Variants in AGAP1 observed in about 807,000 individuals in gnomAD.
AGAP1 encodes arf-GAP with GTPase, ANK repeat and PH domain-containing protein 1.
AGAP1 carries 29 observed loss-of-function variants against 105.3 expected under a neutral mutation model. The ratio of observed to expected loss-of-function variants is 0.28; its 90% CI spans 0.21 to 0.38. The LOEUF is 0.38. AGAP1 is among the 10% of genes least tolerant of loss of function. AGAP1 has a pLI of 1.00. For synonymous variants in AGAP1, 509 were observed against 485.9 expected, an observed-to-expected ratio of 1.05 and a Z score of -0.63; for missense variants, 998 against 1,165.1, an observed-to-expected ratio of 0.86 and a Z score of 2.09.
chr2:235,893,987 C>A lies in AGAP1; in HGVS notation c.1155+10538C>A, dbSNP rs923129365. ...GGTTGGGTGAACACACACACACACACGTAATCACTGCCTCACGTGGCATTA... is the reference window on the plus strand; with the variant it reads ...GGTTGGGTGAACACACACACACACAAGTAATCACTGCCTCACGTGGCATTA... On this transcript the variant is annotated intron_variant, in intron 10 of 17. Transcript: ENST00000304032. This position sits in a 1 kb window ranked among gnomAD's most constrained non-coding sequence, Gnocchi z 4.7. Among the ~76,000 whole-genome samples the A allele has an allele frequency of 6.6e-6, 1 of 152,086 alleles. No individual in the cohort carries two copies. The highest frequency in any genetic ancestry group is 2.4e-5 in the African/African-American group (1 of 41,406).
chr2:235,923,888 A>C (rs1299495634), intron 11 of AGAP1, among the ~76,000 whole-genome samples: 2 of 152,242 alleles, frequency 1.3e-5, no homozygotes, highest in Non-Finnish European at 2.9e-5. Flanking sequence ...GAGGAAAAAA[A>C]AAGAAGTGGA....
Position 235,973,081 on chromosome 2 carries a change from A to G in AGAP1, c.1645+4458A>G, listed in dbSNP as rs1228317772. Among the ~76,000 whole-genome samples, 1 of 152,190 alleles carries G rather than the reference A, an allele frequency of 6.6e-6. No homozygotes were observed. Among genetic ancestry groups the G allele is most frequent in the Non-Finnish European group, 1.5e-5 (1 of 68,022 alleles). ...AAAGTAAAGGCTAATAGTAGGAATCATCAGTACCTGCTGCTGCAAACCCAG... is the reference window on the plus strand; with the variant it reads ...AAAGTAAAGGCTAATAGTAGGAATCGTCAGTACCTGCTGCTGCAAACCCAG... On this transcript the variant is annotated intron_variant, in intron 13 of 17. Coordinates refer to ENST00000304032, the MANE Select transcript of AGAP1 (RefSeq NM_001037131.3). This position sits in a 1 kb window ranked among gnomAD's most constrained non-coding sequence, Gnocchi z 4.7.
intron 6 of AGAP1, among the ~76,000 whole-genome samples, chr2:235,768,638 A>G (rs1955169950): frequency 6.6e-6 from 1 of 152,218 alleles, no homozygotes; most frequent in African/African-American, 2.4e-5. Context: ...CCCAAGGTTC[A>G]GGTGTTGCAG....
intron 1 of AGAP1, among the ~76,000 whole-genome samples, chr2:235,554,760 C>T (rs891157376): frequency 6.6e-6 from 1 of 152,142 alleles, no homozygotes; most frequent in Non-Finnish European, 1.5e-5. Context: ...CTCACTGCCT[C>T]CCAGGTTCAA....
intron 8 of AGAP1, among the ~76,000 whole-genome samples, chr2:235,805,408 C>A (rs1957787300): frequency 6.6e-6 from 1 of 152,080 alleles, no homozygotes; most frequent in Non-Finnish European, 1.5e-5. Context: ...TGCCTTGTTA[C>A]AGGAAGATGT....
At position 235,830,268 on chromosome 2, in the gene AGAP1, G is replaced by A. The variant is rs1959214857; in HGVS notation, c.1050+22937G>A. On this transcript the variant is annotated intron_variant, in intron 9 of 17. Coordinates refer to ENST00000304032, the MANE Select transcript of AGAP1 (RefSeq NM_001037131.3). This position sits in a 1 kb window ranked among gnomAD's most constrained non-coding sequence, Gnocchi z 5.5. ...AGTCACCGTTTGAGTGCCCGTGGAG[G>A]ATTGGTTTACTTAGTAAATTCGTTG... 6.6e-6 allele frequency among the ~76,000 whole-genome samples: 1 copy of A among 152,170 alleles called. No homozygotes were observed. The highest frequency in any genetic ancestry group is 1.9e-4 in the East Asian group (1 of 5,196).
Position 236,040,921 on chromosome 2 carries a change from G to T in AGAP1, c.1891+80G>T. 2 of 1,403,772 alleles carry T rather than the reference G, an allele frequency of 1.4e-6. No individual in the cohort carries two copies. Among genetic ancestry groups the T allele is most frequent in the Non-Finnish European group, 2.0e-6 (2 of 995,084 alleles). The allele number at this position is 1,403,772 out of a possible 1,614,324, so 87.0% of individuals were successfully genotyped here. On this transcript the variant is annotated intron_variant, in intron 15 of 17. Transcript: ENST00000304032. This position sits in a 1 kb window ranked among gnomAD's most constrained non-coding sequence, Gnocchi z 5.6. ...GTCCCACTAGGCCCGGGTTGCAGGG[G>T]ACTCACATCTGTCCTGTTTGGCAGA...
rs1206315441 is a variant in AGAP1 at position 235,614,355 on chromosome 2, C to T, written c.164-94824C>T. On this transcript the variant is annotated intron_variant, in intron 1 of 17. Transcript: ENST00000304032. This position sits in a 1 kb window ranked among gnomAD's most constrained non-coding sequence, Gnocchi z 4.7. ...GGCGAGTGGGAGTTTTCTAGGGAGC[C>T]GCTGCTCTTGCTTCAGGTCTCAGAT... Among the ~76,000 whole-genome samples the T allele has an allele frequency of 2.0e-5, 3 of 152,158 alleles. No individual in the cohort carries two copies. Among genetic ancestry groups the T allele is most frequent in the South Asian group, 4.2e-4 (2 of 4,812 alleles).
chr2:235,636,376 G>C (rs1947002864), intron 1 of AGAP1, among the ~76,000 whole-genome samples: 1 of 152,148 alleles, frequency 6.6e-6, no homozygotes, highest in South Asian at 2.1e-4. Flanking sequence ...CACTCAGGGA[G>C]CGTTTGTGGG....
At position 235,648,708 on chromosome 2, in the gene AGAP1, CAAAA is replaced by C. The variant is rs200700617; in HGVS notation, c.164-60447_164-60444del. ...CTAACATGGTGAAACCCCATCTCTA[CAAAA>C]AAAAAAAAAAAAAAAAAAAAAAACA... On this transcript the variant is annotated intron_variant, in intron 1 of 17. Coordinates refer to ENST00000304032, the MANE Select transcript of AGAP1 (RefSeq NM_001037131.3). Among the ~76,000 whole-genome samples the C allele has an allele frequency of 2.0e-4, 26 of 132,230 alleles. 1 individual carries two copies. The South Asian group carries it at 4.6e-3, about 24-fold the overall frequency. The allele number at this position is 132,230 out of a possible 152,430, so 86.7% of individuals were successfully genotyped here.
In AGAP1 at chr2:236,120,126, G is replaced by T; in HGVS notation, c.2115-66G>T. 5.8e-6 allele frequency: 9 copies of T among 1,558,098 alleles called. No homozygotes were observed. Among genetic ancestry groups the T allele is most frequent in the Non-Finnish European group, 7.8e-6 (9 of 1,150,500 alleles). On this transcript the variant is annotated intron_variant, in intron 16 of 17. Transcript: ENST00000304032. This position sits in a 1 kb window ranked among gnomAD's most constrained non-coding sequence, Gnocchi z 6.0. ...TCTCGGCTTCTCCCGACCACACTGG[G>T]CAGGGGCTGGCAGCCTGTGTTCTCG...
chr2:235,629,701 T>G (rs1372148446), intron 1 of AGAP1, among the ~76,000 whole-genome samples: 1 of 145,712 alleles, frequency 6.9e-6, no homozygotes, highest in African/African-American at 2.5e-5. Flanking sequence ...AGACCCTATC[T>G]CTACAATAAA....
At position 235,642,629 on chromosome 2, in the gene AGAP1, T is replaced by C. The variant is rs1338145901; in HGVS notation, c.164-66550T>C. On this transcript the variant is annotated intron_variant, in intron 1 of 17. Transcript: ENST00000304032. The surrounding 1 kb of genome is among the most constrained non-coding windows in gnomAD (Gnocchi z 4.1). ...CCCTGGAAGGCAGGCCAGCCTCCGC[T>C]CTCCACACCAGCTTGGGGATGAATC... Among the ~76,000 whole-genome samples, 1 of 152,086 alleles carries C rather than the reference T, an allele frequency of 6.6e-6. No homozygotes were observed. The highest frequency in any genetic ancestry group is 1.5e-5 in the Non-Finnish European group (1 of 68,008).
At chr2:235,783,388 CAGAGA>C (rs1368168734) in intron 6 of AGAP1, 2 of 471,130 alleles carry the variant, frequency 4.2e-6, no homozygotes, top group Non-Finnish European at 8.8e-6. Flanking sequence ...TTGGCCGGAC[CAGAGA>C]AGTTATTGAT....
chr2:235,502,716 T>TTTTTTTTTTTTTG (rs1941615977), intron 1 of AGAP1, among the ~76,000 whole-genome samples: 1 of 151,438 alleles, frequency 6.6e-6, no homozygotes, highest in Non-Finnish European at 1.5e-5. Context: ...TTTTTTTTTT[T>TTTTTTTTTTTTTG]TTTTTAAGGG....
rs1946457512 is a variant in AGAP1, at chr2:235,620,943, GAGTTCAGGAGCC to G, written c.164-88233_164-88222del. Among the ~76,000 whole-genome samples, 1 of 152,190 alleles carries G rather than the reference GAGTTCAGGAGCC, an allele frequency of 6.6e-6. No homozygotes were observed. The highest frequency in any genetic ancestry group is 1.5e-5 in the Non-Finnish European group (1 of 68,032). On this transcript the variant is annotated intron_variant, in intron 1 of 17. Coordinates refer to ENST00000304032, the MANE Select transcript of AGAP1 (RefSeq NM_001037131.3). This position sits in a 1 kb window ranked among gnomAD's most constrained non-coding sequence, Gnocchi z 4.5. ...GATGGAGGGGGCTGGGGTCTGTTGT[GAGTTCAGGAGCC>G]AGGGGGCTGCATCTGCGTGTTGGCT...
intron 9 of AGAP1, among the ~76,000 whole-genome samples, chr2:235,880,346 C>T (rs1173744611): frequency 2.0e-5 from 3 of 152,066 alleles, no homozygotes; most frequent in Non-Finnish European, 4.4e-5. Flanking sequence ...CAGCATTTGT[C>T]TGAGTGGGAA....
At chr2:235,892,595 A>G (rs1276259570) in intron 10 of AGAP1, among the ~76,000 whole-genome samples, 1 of 152,062 alleles carries the variant, frequency 6.6e-6, no homozygotes, top group Non-Finnish European at 1.5e-5. Context: ...AAAAAAAAAA[A>G]AGATTGCTAT....
intron 1 of AGAP1, among the ~76,000 whole-genome samples, chr2:235,563,665 G>A (rs577124946): frequency 3.2e-3 from 482 of 152,254 alleles, no homozygotes; most frequent in Non-Finnish European, 6.0e-3. Flanking sequence ...GGCTGTCTGG[G>A]TAAGTTCTAG....
Sources: allele counts gnomAD v4.1 joint callset (sites outside exome capture counted in the v4.1 genomes callset), GRCh38; gene constraint gnomAD v4.1.1; non-coding constraint Gnocchi (gnomAD v3.1); transcripts MANE v1.5; gene names NCBI Gene and HGNC (gene_info 2026-07-23, HGNC 2026-07-21).